Variants in CRYL1 observed in about 807,000 individuals in gnomAD.
CRYL1 encodes the protein crystallin lambda 1.
In CRYL1, 29 loss-of-function variants were observed where a neutral mutation model predicts 36.6. The ratio of observed to expected loss-of-function variants is 0.79; its 90% CI spans 0.59 to 1.08. The LOEUF (loss-of-function observed/expected upper bound fraction) is 1.08. Among genes scored for constraint, CRYL1 ranks in the 50% least tolerant of loss-of-function variants. CRYL1 has a pLI of 0.00. For missense variants in CRYL1, 411 were observed against 407.9 expected (o/e 1.01, Z -0.06); for synonymous variants, 152 against 151.5 (o/e 1.00, Z -0.02).
chr13:20,504,497 G>A (rs1161191448), intron 2 of CRYL1, among the ~76,000 whole-genome samples: 1 of 151,384 alleles, frequency 6.6e-6, no homozygotes, highest in Non-Finnish European at 1.5e-5. Flanking sequence ...GTAGAGATGG[G>A]GTTTTACTAC....
chr13:20,508,503 A>G (rs1201755824), intron 2 of CRYL1, among the ~76,000 whole-genome samples: 2 of 152,134 alleles, frequency 1.3e-5, no homozygotes, highest in East Asian at 1.9e-4. Flanking sequence ...AATCACCTCC[A>G]TAAAACCAAA....
chr13:20,522,911 C>CTTTTTTTTTTTTTTTTTTTTT (rs386378385), intron 1 of CRYL1, among the ~76,000 whole-genome samples: 2 of 82,960 alleles, frequency 2.4e-5, no homozygotes, highest in African/African-American at 9.0e-5. Context: ...CCCATTTCTA[C>CTTTTTTTTTTTTTTTTTTTTT]TTTTTTTTTT....
chr13:20,426,613 G>A, intron 5 of CRYL1: 1 of 780,652 alleles, frequency 1.3e-6, no homozygotes, highest in Non-Finnish European at 1.6e-6. Context: ...GACACACAGA[G>A]ACACATACAG....
At chr13:20,450,604 C>T (rs1328747271) in intron 3 of CRYL1, among the ~76,000 whole-genome samples, 1 of 152,200 alleles carries the variant, frequency 6.6e-6, no homozygotes, top group Non-Finnish European at 1.5e-5. Flanking sequence ...CACTTTTACA[C>T]TGTTGGTGGG....
intron 2 of CRYL1, among the ~76,000 whole-genome samples, chr13:20,498,534 A>G (rs998152291): frequency 6.6e-6 from 1 of 152,224 alleles, no homozygotes; most frequent in Non-Finnish European, 1.5e-5. Flanking sequence ...TAAAATTATA[A>G]AAGGTTATAA....
At chr13:20,445,649 A>C (rs2032436571) in intron 3 of CRYL1, among the ~76,000 whole-genome samples, 1 of 152,212 alleles carries the variant, frequency 6.6e-6, no homozygotes, top group Non-Finnish European at 1.5e-5. Flanking sequence ...GAGAAAACAG[A>C]CTTTAGAAAT....
Position 20,525,820 on chromosome 13 carries a change from G to T in CRYL1, c.-26C>A, listed in dbSNP as rs1385794634. The T allele has an allele frequency of 1.6e-6, 2 of 1,227,838 alleles. No individual in the cohort carries two copies. Among genetic ancestry groups the T allele is most frequent in the African/African-American group, 3.1e-5 (2 of 63,840 alleles). 76.1% of individuals were successfully genotyped at this position (1,227,838 alleles called of 1,614,324 possible). A position where few individuals can be genotyped will look rare whatever the true frequency, so the allele number is the denominator to read the frequency against. On this transcript the variant is annotated 5_prime_UTR_variant, in exon 1 of 8. Coordinates refer to ENST00000298248, the MANE Select transcript of CRYL1 (RefSeq NM_015974.3). The surrounding 1 kb of genome is among the most constrained non-coding windows in gnomAD (Gnocchi z 4.3). ...GGTTGGGCCGGGGACGCGGCGCCGC[G>T]GGCGCTGGGACCAGGCGCCGGCGGA...
At chr13:20,510,234 A>G (rs2033888546) in intron 2 of CRYL1, among the ~76,000 whole-genome samples, 1 of 152,236 alleles carries the variant, frequency 6.6e-6, no homozygotes, top group Non-Finnish European at 1.5e-5. Context: ...CTTTACTCAT[A>G]ATTGCCAAAA....
At chr13:20,516,640 T>C (rs934780964) in intron 1 of CRYL1, among the ~76,000 whole-genome samples, 5 of 151,928 alleles carry the variant, frequency 3.3e-5, no homozygotes, top group African/African-American at 1.2e-4. Context: ...CCACCACGCC[T>C]GGCTAATTTT....
At chr13:20,504,466 G>A (rs552329822) in intron 2 of CRYL1, among the ~76,000 whole-genome samples, 1 of 151,958 alleles carries the variant, frequency 6.6e-6, no homozygotes, top group South Asian at 2.1e-4. Context: ...ATCACGCCCA[G>A]CTGATTTTTT....
chr13:20,448,839 C>T (rs1307444938), intron 3 of CRYL1, among the ~76,000 whole-genome samples: 1 of 135,214 alleles, frequency 7.4e-6, no homozygotes. Flanking sequence ...TAGAAGAAAA[C>T]GTGATATCAG....
At chr13:20,516,899 G>A (rs1205520443) in intron 1 of CRYL1, among the ~76,000 whole-genome samples, 2 of 151,966 alleles carry the variant, frequency 1.3e-5, no homozygotes, top group African/African-American at 4.8e-5. Flanking sequence ...GAGGGAAACT[G>A]CATCTCTACA....
At chr13:20,422,248 C>T (rs1029125827) in intron 5 of CRYL1, among the ~76,000 whole-genome samples, 3 of 151,440 alleles carry the variant, frequency 2.0e-5, no homozygotes, top group African/African-American at 7.3e-5. Context: ...TAGTCCCACC[C>T]ACTTGGGAGG....
intron 5 of CRYL1, among the ~76,000 whole-genome samples, chr13:20,421,516 C>T (rs1303186268): frequency 6.6e-6 from 1 of 152,226 alleles, no homozygotes; most frequent in Non-Finnish European, 1.5e-5. Context: ...GGCCTCTCAC[C>T]TGGCTTCTAC....
intron 1 of CRYL1, among the ~76,000 whole-genome samples, chr13:20,517,579 G>C (rs906283119): frequency 6.2e-5 from 9 of 146,276 alleles, no homozygotes; most frequent in African/African-American, 2.3e-4. Context: ...TGGGCAACAA[G>C]AGCAAAACTC....
chr13:20,419,188 A>G (rs924900077), intron 5 of CRYL1: 1 of 152,262 alleles, frequency 6.6e-6, no homozygotes, highest in Non-Finnish European at 1.5e-5. Context: ...GCACAGAAGT[A>G]ACTCGAGCAT....
intron 3 of CRYL1, among the ~76,000 whole-genome samples, chr13:20,487,490 G>T (rs1174224364): frequency 6.6e-6 from 1 of 152,222 alleles, no homozygotes; most frequent in Admixed American, 6.5e-5. Flanking sequence ...AGACAAACAT[G>T]CTGAAGTTGG....
chr13:20,518,164 A>G (rs1036366972), intron 1 of CRYL1, among the ~76,000 whole-genome samples: 1 of 152,042 alleles, frequency 6.6e-6, no homozygotes, highest in Non-Finnish European at 1.5e-5. Context: ...CACTGAGGAA[A>G]TACGTAAAGG....
rs537088207 is a variant in CRYL1, at chr13:20,415,111, G to A, written c.634-1724C>T. Among the ~76,000 whole-genome samples, 4 of 152,246 alleles carry A rather than the reference G, an allele frequency of 2.6e-5. No homozygotes were observed. The East Asian group carries it at 7.8e-4, about 30-fold the overall frequency. Reference sequence around the variant, plus strand: ...GCTGAGCCCGGTTTCCCTACCCCGGGGCACCTCCCCTCGCCCGCACCCGGC... The same window carrying A: ...GCTGAGCCCGGTTTCCCTACCCCGGAGCACCTCCCCTCGCCCGCACCCGGC... On this transcript the variant is annotated intron_variant, in intron 5 of 7. Transcript: ENST00000298248. The surrounding 1 kb of genome is among the most constrained non-coding windows in gnomAD (Gnocchi z 4.1).
Sources: allele counts gnomAD v4.1 joint callset (sites outside exome capture counted in the v4.1 genomes callset), GRCh38; gene constraint gnomAD v4.1.1; non-coding constraint Gnocchi (gnomAD v3.1); transcripts MANE v1.5; gene names NCBI Gene and HGNC (gene_info 2026-07-23, HGNC 2026-07-21).